Variants in TUBB3 observed in about 807,000 individuals in gnomAD.
The protein encoded by TUBB3 is tubulin beta-3 chain.
TUBB3 carries 17 observed loss-of-function variants against 37.8 expected under a neutral mutation model. The observed-to-expected ratio is 0.45, with a 90% CI of 0.31 to 0.67. The LOEUF is 0.67. TUBB3 is among the 30% of genes least tolerant of loss of function. TUBB3 has a pLI of 0.07. For synonymous variants in TUBB3, 332 were observed against 278.9 expected (o/e 1.19, Z -1.90); for missense variants, 262 against 657.9 (o/e 0.40, Z 6.58).
intron 1 of TUBB3, among the ~76,000 whole-genome samples, chr16:89,930,841 T>C (rs2030255158): frequency 6.6e-6 from 1 of 151,728 alleles, no homozygotes; most frequent in South Asian, 2.1e-4. Flanking sequence ...CTTTTTTTTT[T>C]TTTTGAGATG....
chr16:89,927,387 A>AC (rs1348628686), intron 1 of TUBB3, among the ~76,000 whole-genome samples: 5 of 152,074 alleles, frequency 3.3e-5, no homozygotes, highest in Non-Finnish European at 7.4e-5. Context: ...CCTATCTAAA[A>AC]AAAAAAAAGG....
intron 1 of TUBB3, chr16:89,932,092 G>T (rs1028859350): frequency 6.7e-6 from 2 of 297,980 alleles, no homozygotes; most frequent in South Asian, 6.1e-5. Context: ...CTCTCCCATG[G>T]AGGGGCAGGT....
At chr16:89,932,748 G>A (rs1359835305) in intron 2 of TUBB3, 69 bp downstream of exon 2, 1 of 1,317,292 alleles carries the variant, frequency 7.6e-7, no homozygotes, top group Non-Finnish European at 1.1e-6. Context: ...GACTGACCAG[G>A]TCTCAGCACC....
At chr16:89,928,484 G>C (rs1211908207) in intron 1 of TUBB3, among the ~76,000 whole-genome samples, 1 of 150,502 alleles carries the variant, frequency 6.6e-6, no homozygotes, top group Non-Finnish European at 1.5e-5. Flanking sequence ...TTAGCCTCCT[G>C]AGTAGCTGGG....
rs11554952 is a variant in TUBB3, at chr16:89,935,763, G to A, written c.1312G>A (p.Glu438Lys). Reference sequence around the variant, plus strand: ...GGCCGAGGAAGAGGGCGAGATGTACGAAGACGACGAGGAGGAGTCGGAGGC... The same window carrying A: ...GGCCGAGGAAGAGGGCGAGATGTACAAAGACGACGAGGAGGAGTCGGAGGC... ...ATAEEEGEMY[E>K]DDEEESEAQG... The change falls in exon 4 of 4, where the codon GAA becomes AAA. Residue 438 changes from glutamate to lysine, a missense_variant. By Grantham distance (56) the Glu-to-Lys change is moderately conservative. Transcript: ENST00000315491. 2.2e-5 allele frequency: 36 copies of A among 1,613,790 alleles called. No individual in the cohort carries two copies. The highest frequency in any genetic ancestry group is 2.7e-5 in the Non-Finnish European group (32 of 1,179,964).
intron 1 of TUBB3, among the ~76,000 whole-genome samples, chr16:89,927,283 A>G (rs7192242): frequency 0.6 from 90,884 of 151,390 alleles, 30,167 homozygotes; most frequent in East Asian, 0.9. Context: ...TACTTGGGAG[A>G]CAGAGGTGGG....
chr16:89,927,714 A>T (rs2030135545), intron 1 of TUBB3, among the ~76,000 whole-genome samples: 1 of 152,208 alleles, frequency 6.6e-6, no homozygotes, highest in Non-Finnish European at 1.5e-5. Flanking sequence ...CACCATTCAC[A>T]CGTTCATCTC....
At chr16:89,928,782 C>T (rs2030177531) in intron 1 of TUBB3, among the ~76,000 whole-genome samples, 1 of 152,070 alleles carries the variant, frequency 6.6e-6, no homozygotes, top group Non-Finnish European at 1.5e-5. Context: ...CCTCGGCCTC[C>T]CAAAGTGCTA....
At chr16:89,923,608 G>T in intron 1 of TUBB3, 150 bp downstream of exon 1, 1 of 736,994 alleles carries the variant, frequency 1.4e-6, no homozygotes, top group Non-Finnish European at 1.8e-6. Flanking sequence ...CGGGACGCGG[G>T]GCCCCCGCCC....
rs2030323408 is a variant in TUBB3, at chr16:89,932,778, C to T, written c.166+99C>T. The T allele has an allele frequency of 5.2e-6, 5 of 960,648 alleles. No individual in the cohort carries two copies. In the Admixed American group the frequency reaches 5.9e-5, roughly 11 times the overall value. 59.5% of individuals were successfully genotyped at this position (960,648 alleles called of 1,614,324 possible). Reference sequence around the variant, plus strand: ...AGCACCTGGACTCACCAGCTCTCAGCATCTCTGTCCTCCCATGGGTTAGGT... The same window carrying T: ...AGCACCTGGACTCACCAGCTCTCAGTATCTCTGTCCTCCCATGGGTTAGGT... On this transcript the variant is annotated intron_variant, in intron 2 of 3. Transcript: ENST00000315491.
intron 1 of TUBB3, among the ~76,000 whole-genome samples, chr16:89,929,123 CG>C (rs1249902041): frequency 6.6e-6 from 1 of 151,854 alleles, no homozygotes; most frequent in Non-Finnish European, 1.5e-5. Context: ...CTACCACGCC[CG>C]GCTAATTTTT....
At chr16:89,925,019 C>T (rs1408703509) in intron 1 of TUBB3, among the ~76,000 whole-genome samples, 2 of 151,944 alleles carry the variant, frequency 1.3e-5, no homozygotes, top group African/African-American at 4.8e-5. Context: ...GGCAGGCAGC[C>T]CTGGGGCCCA....
intron 1 of TUBB3, among the ~76,000 whole-genome samples, chr16:89,927,291 G>A (rs2030120546): frequency 6.6e-6 from 1 of 152,012 alleles, no homozygotes; most frequent in African/African-American, 2.4e-5. Context: ...AGACAGAGGT[G>A]GGAGGATCAC....
chr16:89,928,704 T>G (rs1434264676), intron 1 of TUBB3, among the ~76,000 whole-genome samples: 2 of 152,022 alleles, frequency 1.3e-5, no homozygotes, highest in Middle Eastern at 6.3e-3. Flanking sequence ...TTTTGTATTT[T>G]TAGTAGAGAC....
intron 2 of TUBB3, 115 bp downstream of exon 2, chr16:89,932,794 T>C (rs554661798): frequency 1.9e-4 from 163 of 839,728 alleles, no homozygotes; most frequent in Non-Finnish European, 3.0e-4. Context: ...TGTCCTCCCA[T>C]GGGTTAGGTT....
chr16:89,936,017 C>T lies in TUBB3; in HGVS notation c.*213C>T, dbSNP rs190989681. 2,738 of 634,232 alleles carry T rather than the reference C, an allele frequency of 4.3e-3. 75 individuals carry two copies. The highest frequency in any genetic ancestry group is 8.9e-4 in the Non-Finnish European group (329 of 368,348). The allele number at this position is 634,232 out of a possible 1,614,324, so 39.3% of individuals were successfully genotyped here. On this transcript the variant is annotated 3_prime_UTR_variant, in exon 4 of 4. Coordinates refer to ENST00000315491, the MANE Select transcript of TUBB3 (RefSeq NM_006086.4). ...TGTCTTATTGCAGCTCCAGGCCTGA[C>T]GTTTTACGGTTTTGTTTTTTACTGG...
At chr16:89,926,631 A>G (rs1487242406) in intron 1 of TUBB3, among the ~76,000 whole-genome samples, 1 of 152,212 alleles carries the variant, frequency 6.6e-6, no homozygotes, top group Non-Finnish European at 1.5e-5. Flanking sequence ...TGGCGTCCAG[A>G]GGCGCGATCT....
chr16:89,923,252 G>A (rs1567760198), upstream of TUBB3: 1 of 410,386 alleles, frequency 2.4e-6, no homozygotes, highest in Non-Finnish European at 3.8e-6. Context: ...GCTCTGCGGC[G>A]GCGCCTCCCG....
Position 89,932,768 on chromosome 16 carries a change from C to A in TUBB3, c.166+89C>A. 5 of 1,036,798 alleles carry A rather than the reference C, an allele frequency of 4.8e-6. No homozygotes were observed. In the South Asian group the frequency reaches 6.7e-5, roughly 14 times the overall value. 64.2% of individuals were successfully genotyped at this position (1,036,798 alleles called of 1,614,324 possible). Reference sequence around the variant, plus strand: ...ACCAGGTCTCAGCACCTGGACTCACCAGCTCTCAGCATCTCTGTCCTCCCA... The same window carrying A: ...ACCAGGTCTCAGCACCTGGACTCACAAGCTCTCAGCATCTCTGTCCTCCCA... On this transcript the variant is annotated intron_variant, in intron 2 of 3. Transcript: ENST00000315491.
Sources: allele counts gnomAD v4.1 joint callset (sites outside exome capture counted in the v4.1 genomes callset), GRCh38; gene constraint gnomAD v4.1.1; transcripts MANE v1.5; gene names NCBI Gene and HGNC (gene_info 2026-07-23, HGNC 2026-07-21).